Variants in SLC5A4 observed in about 807,000 individuals in gnomAD.
SLC5A4 encodes the protein probable glucose sensor protein SLC5A4.
In SLC5A4, 55 loss-of-function variants were observed where a neutral mutation model predicts 70.3. The observed-to-expected ratio is 0.78, with a 90% CI of 0.63 to 0.98. The LOEUF is 0.98. Ranked by LOEUF, SLC5A4 falls within the 50% of genes least tolerant of loss-of-function variation. The pLI, the probability that SLC5A4 is intolerant of heterozygous loss-of-function variation, is 0.00. For synonymous variants in SLC5A4, 268 were observed against 305.7 expected (o/e 0.88, Z 1.29); for missense variants, 735 against 839.2 (o/e 0.88, Z 1.53).
the SLC5A4 span, among the ~76,000 whole-genome samples, chr22:32,277,440 T>G: frequency 6.6e-6 from 1 of 152,226 alleles, no homozygotes; most frequent in Admixed American, 6.5e-5. Context: ...AACAAAATTA[T>G]CCTGAAATTT....
the SLC5A4 span, chr22:32,270,883 C>T: frequency 3.6e-6 from 2 of 557,780 alleles, no homozygotes; most frequent in Non-Finnish European, 6.7e-6. Context: ...ACCATCAGCC[C>T]AACGTGATCA....
intron 2 of SLC5A4, 149 bp from the exon 3 acceptor site, chr22:32,252,023 A>G: frequency 1.7e-6 from 1 of 584,900 alleles, no homozygotes; most frequent in South Asian, 1.9e-5. Flanking sequence ...AGGTCAGGAG[A>G]TCAAGACCAT....
chr22:32,302,372 TTAATTG>T, the SLC5A4 span, among the ~76,000 whole-genome samples: 1 of 152,168 alleles, frequency 6.6e-6, no homozygotes, highest in Admixed American at 6.5e-5. Context: ...GCAAAACATT[TTAATTG>T]TGATTAAGTC....
the SLC5A4 span, among the ~76,000 whole-genome samples, chr22:32,344,776 A>C: frequency 6.6e-6 from 1 of 152,310 alleles, no homozygotes; most frequent in African/African-American, 2.4e-5. Flanking sequence ...AACAAACTTC[A>C]TAATTTTATA....
intron 9 of SLC5A4, 36 bp downstream of exon 9, chr22:32,232,863 A>AT (rs1569370397): frequency 1.3e-6 from 2 of 1,582,126 alleles, no homozygotes; most frequent in Admixed American, 1.8e-5. Flanking sequence ...GAATACAAGC[A>AT]TAAAAAAAGA....
chr22:32,289,661 T>C, the SLC5A4 span, among the ~76,000 whole-genome samples: 58 of 152,322 alleles, frequency 3.8e-4, no homozygotes, highest in African/African-American at 1.3e-3. Context: ...CTGCCATGAT[T>C]GTAAGTTTCC....
intron 3 of SLC5A4, among the ~76,000 whole-genome samples, chr22:32,250,483 C>G (rs2145699932): frequency 6.6e-6 from 1 of 152,262 alleles, no homozygotes; most frequent in Non-Finnish European, 1.5e-5. Flanking sequence ...TGCACTCCAG[C>G]CTGGGGAACA....
At chr22:32,306,235 G>GGCAGATCATTGGGAGGCCGAGA in the SLC5A4 span, among the ~76,000 whole-genome samples, 1 of 151,790 alleles carries the variant, frequency 6.6e-6, no homozygotes, top group Non-Finnish European at 1.5e-5. Context: ...GGAGGCCGAG[G>GGCAGATCATTGGGAGGCCGAGA]CAGGCAGATC....
At chr22:32,289,157 C>G in the SLC5A4 span, among the ~76,000 whole-genome samples, 1 of 151,996 alleles carries the variant, frequency 6.6e-6, no homozygotes, top group African/African-American at 2.4e-5. Flanking sequence ...CCTAGCTTGC[C>G]TAGCTGTTTT....
At chr22:32,221,306 T>A (rs1489185031) in intron 13 of SLC5A4, among the ~76,000 whole-genome samples, 1 of 152,216 alleles carries the variant, frequency 6.6e-6, no homozygotes, top group African/African-American at 2.4e-5. Context: ...AGTTGAAGAT[T>A]TAGCTAACCT....
chr22:32,239,608 A>G (rs1948400810), intron 5 of SLC5A4, among the ~76,000 whole-genome samples: 1 of 117,624 alleles, frequency 8.5e-6, no homozygotes, highest in African/African-American at 3.2e-5. Flanking sequence ...TATATAAAAT[A>G]TATGTATAAT....
chr22:32,347,957 T>A, the SLC5A4 span, among the ~76,000 whole-genome samples: 1 of 152,134 alleles, frequency 6.6e-6, no homozygotes, highest in African/African-American at 2.4e-5. Flanking sequence ...AAGAACAGAA[T>A]TCCAGTTCTC....
intron 9 of SLC5A4, among the ~76,000 whole-genome samples, chr22:32,232,302 G>A (rs1037499265): frequency 6.6e-6 from 1 of 152,198 alleles, no homozygotes; most frequent in Non-Finnish European, 1.5e-5. Context: ...TGTTGTCTGA[G>A]GGATTACCCC....
At chr22:32,305,967 C>T in the SLC5A4 span, among the ~76,000 whole-genome samples, 855 of 152,080 alleles carry the variant, frequency 5.6e-3, 2 homozygotes, top group Admixed American at 8.8e-3. Flanking sequence ...ATTGAGTGTG[C>T]AGGATGGACT....
chr22:32,341,247 A>G, the SLC5A4 span, among the ~76,000 whole-genome samples: 46,369 of 151,492 alleles, frequency 0.31, 7,208 homozygotes, highest in African/African-American at 0.34. Context: ...GTCCCCAGGG[A>G]GTGGGTGGAG....
At chr22:32,253,044 A>T (rs979691769) in intron 2 of SLC5A4, among the ~76,000 whole-genome samples, 13 of 152,250 alleles carry the variant, frequency 8.5e-5, no homozygotes, top group African/African-American at 2.9e-4. Context: ...TTCACTAAAC[A>T]GTCCTAAAAA....
the SLC5A4 span, among the ~76,000 whole-genome samples, chr22:32,316,346 T>C: frequency 6.6e-6 from 1 of 152,096 alleles, no homozygotes; most frequent in African/African-American, 2.4e-5. Context: ...CAGACAAAGC[T>C]GAAGTCAGGG....
chr22:32,289,732 C>T, the SLC5A4 span, among the ~76,000 whole-genome samples: 1 of 152,130 alleles, frequency 6.6e-6, no homozygotes, highest in Admixed American at 6.5e-5. Context: ...TATAAGTTAC[C>T]CAGTCTTAAG....
chr22:32,251,754 C>T lies in SLC5A4; in HGVS notation c.312+16G>A, dbSNP rs1927174919. On this transcript the variant is annotated intron_variant, in intron 3 of 14. Transcript: ENST00000266086. The stretch of plus-strand genomic sequence containing the variant: ...ATGGTTTTGATTTGAAGGAAAAAGC[C>T]TATGATGTCACTTACAGTCCATTCA... The T allele has an allele frequency of 6.7e-7, 1 of 1,488,034 alleles. No homozygotes were observed. Among genetic ancestry groups the T allele is most frequent in the Non-Finnish European group, 9.4e-7 (1 of 1,064,842 alleles). 92.2% of individuals were successfully genotyped at this position (1,488,034 alleles called of 1,614,324 possible).
Sources: gnomAD v4.1 joint callset for allele counts (sites outside exome capture counted in the v4.1 genomes callset) on GRCh38, gnomAD v4.1.1 for gene constraint, MANE v1.5 for transcripts, NCBI Gene and HGNC (gene_info 2026-07-23, HGNC 2026-07-21) for gene names.